SECISBP2: variants seen among roughly 807,000 people sequenced by gnomAD.
SECISBP2 encodes the protein selenocysteine insertion sequence-binding protein 2.
Under a neutral mutation model 98.2 loss-of-function variants are expected in SECISBP2, and 96 were observed. The observed-to-expected ratio is 0.98, with a 90% confidence interval of 0.83 to 1.16. The LOEUF is 1.16. Among genes scored for constraint, SECISBP2 ranks in the 50% most tolerant of loss-of-function variants. The pLI is 0.00. For synonymous variants in SECISBP2, 407 were observed against 370.2 expected, an observed-to-expected ratio of 1.10 and a Z score of -1.14; for missense variants, 1,046 against 1,022.9, an observed-to-expected ratio of 1.02 and a Z score of -0.31.
rs748617855 is a variant in SECISBP2, at chr9:89,319,807, T to C, written c.182+10T>C. The C allele has an allele frequency of 3.1e-6, 5 of 1,613,952 alleles. No individual in the cohort carries two copies. Among genetic ancestry groups the C allele is most frequent in the East Asian group, 2.2e-5 (1 of 44,884 alleles). ...AACCACCAGTGACAGAGTATGTATC[T>C]TTCTAAAAGTCTTACCTAGGGGCTT... On this transcript the variant is annotated intron_variant, in intron 2 of 16. Transcript: ENST00000375807.
chr9:89,341,330 G>C lies in SECISBP2; in HGVS notation c.1303-17G>C, dbSNP rs199570622. The C allele has an allele frequency of 1.9e-5, 31 of 1,610,054 alleles. No homozygotes were observed. The African/African-American group carries it at 4.2e-4, about 22-fold the overall frequency. On this transcript the variant is annotated splice_polypyrimidine_tract_variant and intron_variant, in intron 9 of 16. Coordinates refer to ENST00000375807, the MANE Select transcript of SECISBP2 (RefSeq NM_024077.5). Reference sequence around the variant, plus strand: ...TGTATAGTTTTATAAGTAAACTTACGAATTTTGAACTTTCAGGATAATTTT... The same window carrying C: ...TGTATAGTTTTATAAGTAAACTTACCAATTTTGAACTTTCAGGATAATTTT...
intron 12 of SECISBP2, 52 bp from the exon 13 acceptor site, chr9:89,349,724 T>A: frequency 6.2e-7 from 1 of 1,606,058 alleles, no homozygotes. Context: ...AGCCCCTCAG[T>A]GTGTGCACTG....
At position 89,349,797 on chromosome 9, in the gene SECISBP2, T is replaced by G. The variant is rs747805941; in HGVS notation, c.1760T>G (p.Leu587Arg). ...GAAGGGCCAGAGGGGATGGACGAAC[T>G]GATCTCCACTCCTTCGGTTGAGGAC... is the stretch of plus-strand genomic sequence containing the variant. Reference protein sequence around the residue: ...ELSGPEGMDELISTPSVEDKS... With the variant: ...ELSGPEGMDERISTPSVEDKS... Residue 587 changes from leucine (L) to arginine (R), a missense_variant, in exon 13 of 17, where the codon CTG becomes CGG. Transcript: ENST00000375807. 3 of 1,614,034 alleles carry G rather than the reference T, an allele frequency of 1.9e-6. No individual in the cohort carries two copies. The highest frequency in any genetic ancestry group is 2.7e-5 in the African/African-American group (2 of 74,912).
the SECISBP2 span, chr9:89,367,080 C>T: frequency 6.6e-6 from 1 of 152,582 alleles, no homozygotes; most frequent in Non-Finnish European, 1.5e-5. Flanking sequence ...TAAATACATG[C>T]TTGATCATCA....
chr9:89,355,984 T>C (rs536757389), intron 14 of SECISBP2, among the ~76,000 whole-genome samples: 2 of 152,338 alleles, frequency 1.3e-5, no homozygotes, highest in Non-Finnish European at 2.9e-5. Flanking sequence ...TTTATATTTT[T>C]TCCATATTTT....
intron 14 of SECISBP2, among the ~76,000 whole-genome samples, chr9:89,353,434 G>A (rs760926753): frequency 3.9e-5 from 6 of 152,142 alleles, no homozygotes; most frequent in African/African-American, 7.2e-5. Flanking sequence ...TGTGTGGTGC[G>A]TCATGTCCTG....
chr9:89,343,794 G>A (rs1283269682), intron 10 of SECISBP2, among the ~76,000 whole-genome samples: 1 of 152,154 alleles, frequency 6.6e-6, no homozygotes, highest in Non-Finnish European at 1.5e-5. Flanking sequence ...TAGTACTGCG[G>A]TGAACATTCA....
chr9:89,334,253 T>C, intron 6 of SECISBP2: 2 of 1,139,178 alleles, frequency 1.8e-6, no homozygotes, highest in South Asian at 3.4e-5. Context: ...AAAACTACTG[T>C]TTGTCTACCC....
chr9:89,345,058 C>T (rs1224208182), intron 10 of SECISBP2, among the ~76,000 whole-genome samples: 1 of 152,182 alleles, frequency 6.6e-6, no homozygotes, highest in Non-Finnish European at 1.5e-5. Context: ...GCAACAAATT[C>T]TCATGGTCTT....
chr9:89,341,526 A>G (rs1235227484), intron 10 of SECISBP2, 47 bp downstream of exon 10: 3 of 1,608,170 alleles, frequency 1.9e-6, no homozygotes, highest in Middle Eastern at 3.3e-4. Context: ...AGTCTTTTTC[A>G]GCTAGATTAT....
chr9:89,338,362 A>T, intron 7 of SECISBP2, 96 bp from the exon 8 acceptor site: 1 of 1,385,916 alleles, frequency 7.2e-7, no homozygotes, highest in Non-Finnish European at 1.0e-6. Context: ...TCATGTGATT[A>T]TAGGACTTGA....
Position 89,358,713 on chromosome 9 carries a change from C to T in SECISBP2, c.2462-8C>T, listed in dbSNP as rs375628475. 85 of 1,595,334 alleles carry T rather than the reference C, an allele frequency of 5.3e-5. No individual in the cohort carries two copies. Among genetic ancestry groups the T allele is most frequent in the Non-Finnish European group, 6.8e-5 (79 of 1,163,166 alleles). ...CTATTCCTCACTCGTGCTGTTTTCT[C>T]ATTTTAGTTGAAATCTGGAAAAAAC... On this transcript the variant is annotated splice_polypyrimidine_tract_variant and splice_region_variant and intron_variant, in intron 16 of 16. Coordinates refer to ENST00000375807, the MANE Select transcript of SECISBP2 (RefSeq NM_024077.5).
intron 1 of SECISBP2, 80 bp from the exon 2 acceptor site, chr9:89,319,572 A>G (rs1209574396): frequency 1.3e-6 from 2 of 1,514,788 alleles, no homozygotes; most frequent in South Asian, 1.1e-5. Context: ...GCTATTAGGA[A>G]CACCTCTTGG....
chr9:89,334,623 A>G lies in SECISBP2; in HGVS notation c.982A>G (p.Ile328Val), dbSNP rs762957552. The part of the protein sequence containing the change: ...NVTSMINLKT[I>V]ASSADPKNVS... Reference sequence around the variant, plus strand: ...TACTTCTATGATAAACTTAAAGACCATTGCTTCATCAGCAGATCCTAAAAA... The same window carrying G: ...TACTTCTATGATAAACTTAAAGACCGTTGCTTCATCAGCAGATCCTAAAAA... Residue 328 changes from isoleucine (I) to valine (V), a missense_variant, in exon 7 of 17, where the codon ATT becomes GTT. Coordinates refer to ENST00000375807, the MANE Select transcript of SECISBP2 (RefSeq NM_024077.5). 3.7e-6 allele frequency: 6 copies of G among 1,614,060 alleles called. No homozygotes were observed. The South Asian group carries it at 5.5e-5, about 15-fold the overall frequency.
chr9:89,362,864 G>A (rs1402385898), downstream of SECISBP2, among the ~76,000 whole-genome samples: 2 of 152,186 alleles, frequency 1.3e-5, no homozygotes, highest in African/African-American at 4.8e-5. Flanking sequence ...CTTCTGTATC[G>A]GCTATTTAGG....
chr9:89,350,958 A>G (rs1831197336), intron 14 of SECISBP2, 106 bp downstream of exon 14: 1 of 917,108 alleles, frequency 1.1e-6, no homozygotes, highest in Admixed American at 1.9e-5. Context: ...GGTCTTGACA[A>G]CTCGTTTTCT....
chr9:89,323,605 TACTC>T (rs1204082117), intron 2 of SECISBP2: 2 of 152,370 alleles, frequency 1.3e-5, no homozygotes, highest in Non-Finnish European at 2.9e-5. Flanking sequence ...ATTGCACAAT[TACTC>T]AGACAGTTTG....
intron 14 of SECISBP2, among the ~76,000 whole-genome samples, chr9:89,352,077 T>A (rs1261954115): frequency 6.6e-6 from 1 of 152,252 alleles, no homozygotes; most frequent in Non-Finnish European, 1.5e-5. Context: ...TAAGTATTTG[T>A]CATCTTCCCA....
intron 1 of SECISBP2, 83 bp from the exon 2 acceptor site, chr9:89,319,569 G>A: frequency 6.7e-7 from 1 of 1,500,294 alleles, no homozygotes; most frequent in South Asian, 1.1e-5. Context: ...GGGGCTATTA[G>A]GAACACCTCT....
Sources: gnomAD v4.1 joint callset for allele counts (sites outside exome capture counted in the v4.1 genomes callset) on GRCh38, gnomAD v4.1.1 for gene constraint, MANE v1.5 for transcripts, NCBI Gene and HGNC (gene_info 2026-07-23, HGNC 2026-07-21) for gene names.